Variants in CACNA1E observed in about 807,000 individuals in gnomAD.
CACNA1E encodes calcium voltage-gated channel subunit alpha1 E, also known as voltage-dependent R-type calcium channel subunit alpha-1E.
A neutral mutation model predicts 259.2 loss-of-function variants in CACNA1E; 40 were observed. The observed-to-expected ratio is 0.15, with a 90% CI of 0.12 to 0.20. The LOEUF (loss-of-function observed/expected upper bound fraction) is 0.20, where lower values mean the gene tolerates loss of function less well. CACNA1E is among the 10% of genes least tolerant of loss of function. CACNA1E has a pLI of 1.00. For synonymous variants in CACNA1E, 1,104 were observed against 1,138.5 expected (o/e 0.97, Z 0.61); for missense variants, 1,874 against 3,040.1 (o/e 0.62, Z 9.02).
At chr1:181,471,304 T>TAAGA (rs1465975010) in intron 2 of CACNA1E, among the ~76,000 whole-genome samples, 1 of 152,212 alleles carries the variant, frequency 6.6e-6, no homozygotes, top group Non-Finnish European at 1.5e-5. Context: ...AGGGCAGTAG[T>TAAGA]AAGATGTAGT....
intron 2 of CACNA1E, among the ~76,000 whole-genome samples, chr1:181,456,559 G>C (rs1375073410): frequency 6.6e-6 from 1 of 152,206 alleles, no homozygotes; most frequent in African/African-American, 2.4e-5. Context: ...CTGACTGGCT[G>C]CAAGTCATGG....
chr1:181,482,461 C>G (rs931331953), upstream of CACNA1E, among the ~76,000 whole-genome samples: 1 of 152,252 alleles, frequency 6.6e-6, no homozygotes, highest in African/African-American at 2.4e-5. Flanking sequence ...CTTCACTGGA[C>G]CTTTGCAGAG....
At chr1:181,682,916 C>T (rs1204282881) in intron 7 of CACNA1E, among the ~76,000 whole-genome samples, 2 of 152,192 alleles carry the variant, frequency 1.3e-5, no homozygotes, top group East Asian at 3.8e-4. Context: ...TTGGGGATTA[C>T]AGCTTGACAT....
At position 181,397,255 on chromosome 1, in the gene CACNA1E, G is replaced by A. The variant is rs79023814; in HGVS notation, c.-14-15878G>A. Among the ~76,000 whole-genome samples the A allele has an allele frequency of 3.0e-3, 458 of 152,168 alleles. 1 individual carries two copies. Among genetic ancestry groups the A allele is most frequent in the Non-Finnish European group, 4.8e-3 (327 of 68,016 alleles). ...TTATAGAATTCTCTTCTATTACTAC[G>A]TCTCACCACAATAATGGTGGATGGG... is the stretch of plus-strand genomic sequence containing the variant. On this transcript the variant is annotated intron_variant, in intron 1 of 11. Transcript: ENST00000524607.
At chr1:181,548,298 G>A (rs958405157) in intron 3 of CACNA1E, among the ~76,000 whole-genome samples, 1 of 151,844 alleles carries the variant, frequency 6.6e-6, no homozygotes, top group Non-Finnish European at 1.5e-5. Flanking sequence ...GCTAATTTTT[G>A]TGTTTTTAGT....
At chr1:181,565,747 G>A (rs901673971) in intron 3 of CACNA1E, among the ~76,000 whole-genome samples, 3 of 152,212 alleles carry the variant, frequency 2.0e-5, no homozygotes, top group African/African-American at 4.8e-5. Context: ...GGATACTGGA[G>A]TTCATTAGTG....
chr1:181,370,893 A>G (rs1345353661), intron 1 of CACNA1E, among the ~76,000 whole-genome samples: 1 of 152,190 alleles, frequency 6.6e-6, no homozygotes, highest in African/African-American at 2.4e-5. Flanking sequence ...TTCTACCATC[A>G]GCATATAAGT....
chr1:181,656,537 T>G (rs1274897084), intron 7 of CACNA1E, among the ~76,000 whole-genome samples: 3 of 152,250 alleles, frequency 2.0e-5, no homozygotes, highest in Non-Finnish European at 4.4e-5. Flanking sequence ...GTTAAATTTT[T>G]TCTAAGTTTA....
rs529096244 is a variant in CACNA1E, at chr1:181,679,257, A to G, written c.1055+27816A>G. ...CTCTTCCTTACAACAATTCAGTATG[A>G]CAGGCTGTGTTTCTCCATATTACCC... On this transcript the variant is annotated intron_variant, in intron 7 of 47. Coordinates refer to ENST00000367573, the MANE Select transcript of CACNA1E (RefSeq NM_001205293.3). Among the ~76,000 whole-genome samples, 5 of 152,332 alleles carry G rather than the reference A, an allele frequency of 3.3e-5. No individual in the cohort carries two copies. The South Asian group carries it at 1.0e-3, about 32-fold the overall frequency.
chr1:181,593,641 C>T (rs1412823035), intron 6 of CACNA1E, among the ~76,000 whole-genome samples: 13 of 152,100 alleles, frequency 8.5e-5, no homozygotes, highest in East Asian at 1.9e-4. Context: ...CGGGTTCAAG[C>T]GATTCTTCTG....
intron 1 of CACNA1E, among the ~76,000 whole-genome samples, chr1:181,391,357 C>T (rs1656264047): frequency 6.6e-6 from 1 of 152,210 alleles, no homozygotes. Context: ...TTGGGTATTT[C>T]AAGCAGGGAA....
chr1:181,757,584 G>A (rs565232657), intron 30 of CACNA1E, among the ~76,000 whole-genome samples: 1 of 152,220 alleles, frequency 6.6e-6, no homozygotes, highest in African/African-American at 2.4e-5. Context: ...GAAACTGTTA[G>A]GGACTGTAAG....
chr1:181,423,857 G>A (rs1334064203), intron 2 of CACNA1E, among the ~76,000 whole-genome samples: 1 of 152,112 alleles, frequency 6.6e-6, no homozygotes, highest in African/African-American at 2.4e-5. Flanking sequence ...TTATATATGA[G>A]TGCTTTGTTG....
In CACNA1E at chr1:181,805,861, G is replaced by C. The variant is rs1352290095; in HGVS notation, c.*7027G>C. On this transcript the variant is annotated 3_prime_UTR_variant, in exon 48 of 48. Coordinates refer to ENST00000367573, the MANE Select transcript of CACNA1E (RefSeq NM_001205293.3). ...GGCTGGGACAATGGAGTAGAGGGTA[G>C]GAAGACAAGCTGTAGAACAAAAGCA... 2.0e-5 allele frequency: 3 copies of C among 152,222 alleles called. No homozygotes were observed. The highest frequency in any genetic ancestry group is 4.4e-5 in the Non-Finnish European group (3 of 68,062). The allele number at this position is 152,222 out of a possible 1,614,324, so 9.4% of individuals were successfully genotyped here.
At chr1:181,562,138 T>C (rs1649392443) in intron 3 of CACNA1E, among the ~76,000 whole-genome samples, 1 of 152,180 alleles carries the variant, frequency 6.6e-6, no homozygotes, top group Non-Finnish European at 1.5e-5. Context: ...TTTGCTATTA[T>C]AGATAATGCT....
intron 6 of CACNA1E, among the ~76,000 whole-genome samples, chr1:181,593,232 G>T (rs1289949747): frequency 6.6e-6 from 1 of 152,080 alleles, no homozygotes; most frequent in Non-Finnish European, 1.5e-5. Context: ...ACTCAATTTT[G>T]CTAAGTTAGC....
At chr1:181,784,823 A>G (rs1191749732) in intron 41 of CACNA1E, 55 bp downstream of exon 41, 1 of 1,097,334 alleles carries the variant, frequency 9.1e-7, no homozygotes, top group African/African-American at 1.6e-5. Context: ...TGTGAAGACT[A>G]CGTCTTTGGG....
At chr1:181,674,795 C>G (rs982997664) in intron 7 of CACNA1E, among the ~76,000 whole-genome samples, 2 of 152,200 alleles carry the variant, frequency 1.3e-5, no homozygotes, top group Admixed American at 6.5e-5. Context: ...TGCCACCCCT[C>G]TAGCAGCTCT....
chr1:181,697,123 T>C (rs1221704951), intron 7 of CACNA1E, among the ~76,000 whole-genome samples: 1 of 151,968 alleles, frequency 6.6e-6, no homozygotes, highest in East Asian at 1.9e-4. Context: ...CAGAAGAGAA[T>C]ACAGAAGGGG....
Sources: gnomAD v4.1 joint callset for allele counts (sites outside exome capture counted in the v4.1 genomes callset) on GRCh38, gnomAD v4.1.1 for gene constraint, MANE v1.5 for transcripts, NCBI Gene and HGNC (gene_info 2026-07-23, HGNC 2026-07-21) for gene names.